CIROZ: variants seen among roughly 807,000 people sequenced by gnomAD.
The protein encoded by CIROZ is ciliated left-right organizer ZP-N domains-containing protein.
the CIROZ span, chr1:10,958,860 G>C: frequency 9.0e-7 from 1 of 1,109,338 alleles, no homozygotes; most frequent in South Asian, 1.4e-5. Flanking sequence ...CAGGAGGCCG[G>C]TGAGAGAGCT....
the CIROZ span, among the ~76,000 whole-genome samples, chr1:10,975,686 C>T: frequency 1.3e-5 from 2 of 151,990 alleles, no homozygotes; most frequent in African/African-American, 4.8e-5. Flanking sequence ...ACATGTTACT[C>T]CCACAGTGTC....
chr1:10,958,706 C>T, the CIROZ span: 1 of 1,614,106 alleles, frequency 6.2e-7, no homozygotes, highest in Non-Finnish European at 8.5e-7. Flanking sequence ...TCAATGGGGC[C>T]CGCTTACCTG....
the CIROZ span, among the ~76,000 whole-genome samples, chr1:10,958,466 C>T: frequency 1.3e-5 from 2 of 152,214 alleles, no homozygotes; most frequent in Non-Finnish European, 2.9e-5. Flanking sequence ...AACCCAGCCT[C>T]CCACCCAAAG....
the CIROZ span, among the ~76,000 whole-genome samples, chr1:10,951,608 C>T: frequency 0.016 from 2,375 of 151,060 alleles, 32 homozygotes; most frequent in Non-Finnish European, 0.025. Context: ...ACCTATAATC[C>T]CAGCTACTCA....
chr1:10,961,441 A>G, the CIROZ span, among the ~76,000 whole-genome samples: 1 of 152,188 alleles, frequency 6.6e-6, no homozygotes, highest in African/African-American at 2.4e-5. Flanking sequence ...AGAGTCCAAC[A>G]TGGCAGTGAG....
the CIROZ span, chr1:10,957,125 T>TC: frequency 3.9e-6 from 6 of 1,543,346 alleles, no homozygotes; most frequent in Non-Finnish European, 5.2e-6. Flanking sequence ...GGAAGGGGGG[T>TC]CCCCCCTGAG....
At chr1:10,948,340 G>C in the CIROZ span, 1 of 1,613,636 alleles carries the variant, frequency 6.2e-7, no homozygotes, top group Non-Finnish European at 8.5e-7. Flanking sequence ...TCTGCAGCCA[G>C]TGTGGCCCGC....
At chr1:10,957,852 ACAGGGTCAC>A in the CIROZ span, 1 of 1,371,798 alleles carries the variant, frequency 7.3e-7, no homozygotes, top group East Asian at 2.3e-5. Context: ...TAGGAAGGCA[ACAGGGTCAC>A]GGGGAGGATA....
chr1:10,966,343 G>C, the CIROZ span: 2 of 1,493,470 alleles, frequency 1.3e-6, no homozygotes, highest in East Asian at 2.5e-5. Flanking sequence ...AAAAAGAAAA[G>C]TTTCCCAAAC....
At chr1:10,962,928 T>C in the CIROZ span, among the ~76,000 whole-genome samples, 19 of 152,286 alleles carry the variant, frequency 1.2e-4, no homozygotes, top group Non-Finnish European at 2.5e-4. Flanking sequence ...GAGACCAGCC[T>C]GGGCAACACA....
the CIROZ span, chr1:10,957,061 C>T: frequency 6.4e-7 from 1 of 1,550,860 alleles, no homozygotes; most frequent in South Asian, 1.2e-5. Context: ...GGCATGGTGA[C>T]CGCTCACCAG....
chr1:10,958,800 G>C, the CIROZ span: 8 of 1,604,952 alleles, frequency 5.0e-6, no homozygotes, highest in Admixed American at 1.3e-4. Context: ...GGTGAGCAAA[G>C]GTGAGCAAAC....
chr1:10,948,442 C>T, the CIROZ span: 6 of 1,613,640 alleles, frequency 3.7e-6, no homozygotes, highest in Non-Finnish European at 5.1e-6. Flanking sequence ...CTTGACAAGC[C>T]TCTCAGCAGG....
chr1:10,958,894 T>C, the CIROZ span: 1 of 753,234 alleles, frequency 1.3e-6, no homozygotes, highest in Non-Finnish European at 2.1e-6. Context: ...GTTTGCTCAT[T>C]AAGACAAGAA....
the CIROZ span, among the ~76,000 whole-genome samples, chr1:10,970,983 A>G: frequency 6.9e-6 from 1 of 145,592 alleles, no homozygotes; most frequent in Admixed American, 7.0e-5. Context: ...CATCTCTAAG[A>G]AAAAAATTTT....
chr1:10,963,159 C>A, the CIROZ span, among the ~76,000 whole-genome samples: 1 of 151,934 alleles, frequency 6.6e-6, no homozygotes, highest in Non-Finnish European at 1.5e-5. Flanking sequence ...GAGGCTGGGG[C>A]AGGTGGATCA....
the CIROZ span, among the ~76,000 whole-genome samples, chr1:10,947,293 ACAG>A: frequency 1.3e-5 from 2 of 152,190 alleles, no homozygotes; most frequent in Non-Finnish European, 2.9e-5. Context: ...GCCCAGAAAC[ACAG>A]CTGGCAGGGC....
the CIROZ span, chr1:10,955,142 G>T: frequency 9.9e-6 from 16 of 1,612,850 alleles, no homozygotes; most frequent in Non-Finnish European, 1.2e-5. Flanking sequence ...CCCAGTCTCT[G>T]CTTGGGGATG....
At chr1:10,973,956 AC>A in the CIROZ span, among the ~76,000 whole-genome samples, 263 of 134,330 alleles carry the variant, frequency 2.0e-3, no homozygotes, top group Non-Finnish European at 3.4e-3. Flanking sequence ...CCCAGGAAGG[AC>A]CCCCCCCACC....
Sources: allele counts gnomAD v4.1 joint callset (sites outside exome capture counted in the v4.1 genomes callset), GRCh38; gene constraint gnomAD v4.1.1; transcripts MANE v1.5; gene names NCBI Gene and HGNC (gene_info 2026-07-23, HGNC 2026-07-21).